MALRD1: variants seen among roughly 807,000 people sequenced by gnomAD.
MALRD1 encodes the protein MAM and LDL-receptor class A domain-containing protein 1.
Under a neutral mutation model 242.1 loss-of-function variants are expected in MALRD1, and 247 were observed. The ratio of observed to expected loss-of-function variants is 1.02; its 90% CI spans 0.92 to 1.13. MALRD1 has a LOEUF of 1.13. MALRD1 is among the 50% of genes most tolerant of loss of function. The pLI, the probability that MALRD1 is intolerant of heterozygous loss-of-function variation, is 0.00. For synonymous variants in MALRD1, 995 were observed against 866.6 expected, an observed-to-expected ratio of 1.15 and a Z score of -2.60; for missense variants, 2,989 against 2,533.1, an observed-to-expected ratio of 1.18 and a Z score of -3.86.
chr10:19,347,995 A>C lies in MALRD1; in HGVS notation c.4126A>C (p.Ser1376Arg). The C allele has an allele frequency of 6.4e-7, 1 of 1,550,406 alleles. No individual in the cohort carries two copies. Among genetic ancestry groups the C allele is most frequent in the East Asian group, 2.4e-5 (1 of 40,914 alleles). ...TGCCAGAATTTCAAGTCCAGTTATA[A>C]GTAAGAGAAGCAAAAACTGCAAGGT... The part of the protein sequence containing the change: ...RAARISSPVI[S>R]KRSKNCKIIF... The change falls in exon 25 of 40, where the codon AGT becomes CGT. Residue 1376 changes from serine to arginine, a missense_variant. Ser to Arg is a moderately radical substitution (Grantham distance 110, BLOSUM62 -1). Transcript: ENST00000454679.
intron 13 of MALRD1, 100 bp downstream of exon 13, chr10:19,165,910 G>T (rs1834668520): frequency 2.3e-6 from 2 of 874,188 alleles, no homozygotes; most frequent in Admixed American, 4.3e-5. Context: ...ACCTTTTCAG[G>T]TGAGCACATA....
In MALRD1 at chr10:19,305,701, T is replaced by C. The variant is rs956481185; in HGVS notation, c.3420-18248T>C. Among the ~76,000 whole-genome samples the C allele has an allele frequency of 6.0e-5, 9 of 149,016 alleles. 1 individual carries two copies. The highest frequency in any genetic ancestry group is 4.2e-4 in the South Asian group (2 of 4,788). On this transcript the variant is annotated intron_variant, in intron 21 of 39. Coordinates refer to ENST00000454679, the MANE Select transcript of MALRD1 (RefSeq NM_001142308.3). ...AGTAACTTAATCCTGATATTATCTG[T>C]CCTCAGCATACTGCTGGGTAAATTA...
At chr10:19,099,544 A>G (rs574405600) in intron 4 of MALRD1, among the ~76,000 whole-genome samples, 1 of 151,952 alleles carries the variant, frequency 6.6e-6, no homozygotes, top group Non-Finnish European at 1.5e-5. Flanking sequence ...GAACTCCATG[A>G]TCTCTCCTAT....
intron 32 of MALRD1, among the ~76,000 whole-genome samples, chr10:19,564,645 T>C (rs1836174012): frequency 6.6e-6 from 1 of 152,184 alleles, no homozygotes; most frequent in Non-Finnish European, 1.5e-5. Context: ...TTTAGAAAGC[T>C]ATTTCAAATA....
At position 19,274,582 on chromosome 10, in the gene MALRD1, GCTTACA is replaced by G. The variant is rs547709686; in HGVS notation, c.3080-5461_3080-5456del. The stretch of plus-strand genomic sequence containing the variant: ...GACACCACTTCTGCTGGCACCTTGA[GCTTACA>G]CTTCCCAGCCTTCAGAACTAAGATA... On this transcript the variant is annotated intron_variant, in intron 19 of 39. Coordinates refer to ENST00000454679, the MANE Select transcript of MALRD1 (RefSeq NM_001142308.3). Among the ~76,000 whole-genome samples the G allele has an allele frequency of 4.6e-4, 70 of 152,268 alleles. 1 individual carries two copies. The South Asian group carries it at 0.013, about 29-fold the overall frequency.
At chr10:19,412,983 A>G (rs1390621054) in intron 28 of MALRD1, among the ~76,000 whole-genome samples, 2 of 152,212 alleles carry the variant, frequency 1.3e-5, no homozygotes, top group Non-Finnish European at 2.9e-5. Context: ...GATGTATTTT[A>G]TAACATAACT....
At chr10:19,126,633 A>G (rs1837291947) in intron 7 of MALRD1, among the ~76,000 whole-genome samples, 1 of 152,182 alleles carries the variant, frequency 6.6e-6, no homozygotes, top group South Asian at 2.1e-4. Context: ...TCTTTTTTCT[A>G]CAATTTATAA....
chr10:19,409,063 A>T (rs905288163), intron 28 of MALRD1, among the ~76,000 whole-genome samples: 1 of 152,220 alleles, frequency 6.6e-6, no homozygotes, highest in African/African-American at 2.4e-5. Flanking sequence ...TGTAACAGCC[A>T]ATATCTAGAA....
intron 21 of MALRD1, among the ~76,000 whole-genome samples, chr10:19,313,799 T>C (rs552847658): frequency 6.6e-6 from 1 of 151,658 alleles, no homozygotes; most frequent in East Asian, 1.9e-4. Flanking sequence ...CTCCAGTGAA[T>C]GTCATACAAT....
intron 36 of MALRD1, among the ~76,000 whole-genome samples, chr10:19,651,288 T>C (rs538719059): frequency 2.0e-5 from 3 of 152,192 alleles, no homozygotes; most frequent in Non-Finnish European, 2.9e-5. Flanking sequence ...TGTTGGGATG[T>C]GCTATGGTGA....
At chr10:19,373,632 A>G (rs1415215535) in intron 26 of MALRD1, among the ~76,000 whole-genome samples, 4 of 152,184 alleles carry the variant, frequency 2.6e-5, no homozygotes, top group African/African-American at 9.6e-5. Flanking sequence ...ACATTTCTAT[A>G]TAACCTTCTA....
chr10:19,513,347 C>T (rs964748323), intron 31 of MALRD1, among the ~76,000 whole-genome samples: 2 of 152,074 alleles, frequency 1.3e-5, no homozygotes, highest in Admixed American at 1.3e-4. Flanking sequence ...CCATAAGCTT[C>T]CTGAGGCCTC....
intron 26 of MALRD1, among the ~76,000 whole-genome samples, chr10:19,356,929 C>G (rs1844661604): frequency 6.6e-6 from 1 of 151,688 alleles, no homozygotes; most frequent in Admixed American, 6.6e-5. Flanking sequence ...ACCAACATGG[C>G]AAAACCCCAT....
chr10:19,419,200 G>C (rs1261738820), intron 28 of MALRD1, among the ~76,000 whole-genome samples: 1 of 151,880 alleles, frequency 6.6e-6, no homozygotes, highest in Non-Finnish European at 1.5e-5. Flanking sequence ...CACTTTCCTG[G>C]TTTAAAACAT....
At chr10:19,144,793 T>G (rs1833674083) in intron 10 of MALRD1, among the ~76,000 whole-genome samples, 1 of 151,752 alleles carries the variant, frequency 6.6e-6, no homozygotes, top group Non-Finnish European at 1.5e-5. Flanking sequence ...GAGTTCCAAT[T>G]TTCTCTTTTA....
chr10:19,500,259 T>C (rs1198620564), intron 31 of MALRD1, among the ~76,000 whole-genome samples: 1 of 152,200 alleles, frequency 6.6e-6, no homozygotes, highest in Non-Finnish European at 1.5e-5. Context: ...GTAGCTCCCT[T>C]TCACAAGCTT....
intron 19 of MALRD1, among the ~76,000 whole-genome samples, chr10:19,263,417 C>T (rs1004574660): frequency 7.9e-5 from 12 of 151,898 alleles, no homozygotes; most frequent in African/African-American, 2.7e-4. Context: ...TTTTCATATA[C>T]CTGTTGTCTA....
At chr10:19,376,237 T>A (rs1218296145) in intron 26 of MALRD1, among the ~76,000 whole-genome samples, 1 of 152,256 alleles carries the variant, frequency 6.6e-6, no homozygotes, top group Non-Finnish European at 1.5e-5. Context: ...CTTCAAATTA[T>A]AACTGTCTCA....
intron 1 of MALRD1, chr10:19,052,172 T>C (rs1204071762): frequency 4.8e-6 from 2 of 420,818 alleles, no homozygotes; most frequent in Non-Finnish European, 9.3e-6. Flanking sequence ...CTAAAGAAAA[T>C]AAACAGTATT....
Sources: gnomAD v4.1 joint callset for allele counts (sites outside exome capture counted in the v4.1 genomes callset) on GRCh38, gnomAD v4.1.1 for gene constraint, MANE v1.5 for transcripts, NCBI Gene and HGNC (gene_info 2026-07-23, HGNC 2026-07-21) for gene names.